Variants in WDFY3 observed in about 807,000 individuals in gnomAD.
WDFY3 encodes the protein WD repeat and FYVE domain containing 3, also known as WD repeat and FYVE domain-containing protein 3.
WDFY3 carries 66 observed loss-of-function variants against 409.6 expected under a neutral mutation model. The ratio of observed to expected loss-of-function variants is 0.16; its 90% CI spans 0.13 to 0.20. The LOEUF (loss-of-function observed/expected upper bound fraction) is 0.20. WDFY3 is among the 10% of genes least tolerant of loss of function. WDFY3 has a pLI of 1.00. For synonymous variants in WDFY3, 1,521 were observed against 1,537.1 expected (o/e 0.99, Z 0.25); for missense variants, 3,031 against 4,298.1 (o/e 0.71, Z 8.24).
intron 1 of WDFY3, among the ~76,000 whole-genome samples, chr4:84,933,670 C>A (rs763683397): frequency 3.3e-5 from 5 of 151,872 alleles, no homozygotes; most frequent in Admixed American, 6.6e-5. Context: ...CCCGCTCTTG[C>A]CCCACCCACT....
At chr4:84,875,431 C>T (rs1185409647) in intron 3 of WDFY3, among the ~76,000 whole-genome samples, 2 of 152,078 alleles carry the variant, frequency 1.3e-5, no homozygotes, top group African/African-American at 4.8e-5. Flanking sequence ...AGTGAATGAA[C>T]GTGAAGGCCT....
chr4:84,821,927 CTT>C lies in WDFY3; in HGVS notation c.1124-378_1124-377del, dbSNP rs572992876. 7.9e-5 allele frequency among the ~76,000 whole-genome samples: 12 copies of C among 152,208 alleles called. No individual in the cohort carries two copies. In the South Asian group the frequency reaches 2.1e-3, roughly 26 times the overall value. On this transcript the variant is annotated intron_variant, in intron 10 of 67. Transcript: ENST00000295888. The stretch of plus-strand genomic sequence containing the variant: ...ACAGCTGTCTCTCAATTTAAAAAGA[CTT>C]TGAGGCTGAAGAAGTTACAGGCCTG...
At chr4:84,721,356 T>C in intron 47 of WDFY3, 53 bp downstream of exon 47, 1 of 1,596,066 alleles carries the variant, frequency 6.3e-7, no homozygotes. Flanking sequence ...CATCTTGTCT[T>C]AATAATATGT....
Position 84,702,462 on chromosome 4 carries a change from G to C in WDFY3, c.8487C>G (p.Arg2829=). Residue 2829 remains arginine, a synonymous_variant, in exon 56 of 68, where the codon CGC becomes CGG. Coordinates refer to ENST00000295888, the MANE Select transcript of WDFY3 (RefSeq NM_014991.6). ...GCTTTGACGCTGAATACCAGGCCTC[G>C]CGCACACTGTGAAACATCCGGTCAG... ...DLADRMFHSV[R]EAWYSASKHN... The C allele has an allele frequency of 6.2e-7, 1 of 1,613,504 alleles. No homozygotes were observed. Among genetic ancestry groups the C allele is most frequent in the Non-Finnish European group, 8.5e-7 (1 of 1,179,840 alleles).
intron 30 of WDFY3, among the ~76,000 whole-genome samples, chr4:84,767,429 A>G (rs369350694): frequency 2.2e-4 from 33 of 152,158 alleles, no homozygotes; most frequent in African/African-American, 7.7e-4. Context: ...TAGATGTTCA[A>G]GCGAAAGAAA....
At chr4:84,744,784 C>T (rs1171414317) in intron 36 of WDFY3, among the ~76,000 whole-genome samples, 2 of 126,352 alleles carry the variant, frequency 1.6e-5, no homozygotes, top group African/African-American at 3.0e-5. Context: ...ACCCGGGAGG[C>T]GGAGCTTGCA....
intron 62 of WDFY3, among the ~76,000 whole-genome samples, chr4:84,685,232 A>G (rs1402048309): frequency 6.6e-6 from 1 of 152,212 alleles, no homozygotes; most frequent in Non-Finnish European, 1.5e-5. Flanking sequence ...TAGAAGCTGC[A>G]AAGCAGCATC....
intron 2 of WDFY3, among the ~76,000 whole-genome samples, chr4:84,902,295 T>C (rs777676751): frequency 6.6e-6 from 1 of 152,192 alleles, no homozygotes; most frequent in Non-Finnish European, 1.5e-5. Context: ...AAAATCATTA[T>C]CACAGAAAAC....
At chr4:84,794,121 A>G (rs969940172) in intron 21 of WDFY3, among the ~76,000 whole-genome samples, 2 of 152,228 alleles carry the variant, frequency 1.3e-5, no homozygotes, top group African/African-American at 2.4e-5. Context: ...TAAGTGATGG[A>G]TAAGGTAATT....
At chr4:84,684,687 G>A (rs1234742186) in intron 62 of WDFY3, among the ~76,000 whole-genome samples, 2 of 151,966 alleles carry the variant, frequency 1.3e-5, no homozygotes, top group Non-Finnish European at 2.9e-5. Context: ...GGAATGTGGG[G>A]GGAGAAAAGG....
At chr4:84,699,631 C>T (rs549903918) in intron 56 of WDFY3, among the ~76,000 whole-genome samples, 24 of 152,278 alleles carry the variant, frequency 1.6e-4, no homozygotes, top group African/African-American at 5.8e-4. Flanking sequence ...TGCCAAACTA[C>T]TTCCCACAGT....
chr4:84,889,204 T>C (rs569579604), intron 3 of WDFY3, among the ~76,000 whole-genome samples: 1 of 152,220 alleles, frequency 6.6e-6, no homozygotes, highest in Non-Finnish European at 1.5e-5. Context: ...AGCAAATTTT[T>C]ATTCCCTCCA....
intron 24 of WDFY3, among the ~76,000 whole-genome samples, chr4:84,784,877 TATATATATATATATACACAC>T (rs1460025892): frequency 1.2e-5 from 1 of 80,698 alleles, no homozygotes; most frequent in African/African-American, 4.7e-5. Flanking sequence ...TATATATATA[TATATATATATATATACACAC>T]ACACACACAC....
At chr4:84,803,520 C>A in intron 15 of WDFY3, 53 bp from the exon 16 acceptor site, 1 of 1,540,346 alleles carries the variant, frequency 6.5e-7, no homozygotes, top group East Asian at 2.3e-5. Flanking sequence ...ACATTCTCTT[C>A]CTCTTCAGTT....
chr4:84,800,966 G>A (rs944498281), intron 17 of WDFY3, among the ~76,000 whole-genome samples: 1 of 152,156 alleles, frequency 6.6e-6, no homozygotes, highest in African/African-American at 2.4e-5. Context: ...TGGCTCGGGG[G>A]TTTGAGACCC....
chr4:84,778,895 T>C (rs1413942018), intron 26 of WDFY3, among the ~76,000 whole-genome samples: 1 of 152,176 alleles, frequency 6.6e-6, no homozygotes, highest in African/African-American at 2.4e-5. Context: ...TATTAAAATA[T>C]CCACTTTTAC....
chr4:84,737,046 C>T (rs1275915044), intron 41 of WDFY3, 138 bp downstream of exon 41: 2 of 834,996 alleles, frequency 2.4e-6, no homozygotes, highest in Non-Finnish European at 3.5e-6. Context: ...TATAATCATT[C>T]TAGAATGGTT....
chr4:84,911,354 G>A (rs1353421896), intron 2 of WDFY3, among the ~76,000 whole-genome samples: 8 of 152,110 alleles, frequency 5.3e-5, no homozygotes, highest in Non-Finnish European at 1.5e-5. Context: ...TGAGCATGTG[G>A]CATACGACTG....
intron 23 of WDFY3, among the ~76,000 whole-genome samples, 184 bp downstream of exon 23, chr4:84,787,298 G>C (rs569204544): frequency 6.6e-6 from 1 of 152,272 alleles, no homozygotes; most frequent in Admixed American, 6.5e-5. Context: ...AAAGAATCCA[G>C]AAAGTGCAGT....
Sources: allele counts gnomAD v4.1 joint callset (sites outside exome capture counted in the v4.1 genomes callset), GRCh38; gene constraint gnomAD v4.1.1; transcripts MANE v1.5; gene names NCBI Gene and HGNC (gene_info 2026-07-23, HGNC 2026-07-21).